The following CASK variants were observed in gnomAD, a reference collection of about 807,000 sequenced individuals.
The protein encoded by CASK is peripheral plasma membrane protein CASK.
In CASK, 4 loss-of-function variants were observed where a neutral mutation model predicts 82.9. That is an observed-to-expected ratio of 0.05 (90% CI 0.02 to 0.11). The LOEUF (loss-of-function observed/expected upper bound fraction) is 0.11, where lower values mean the gene tolerates loss of function less well. CASK is among the 10% of genes least tolerant of loss of function. CASK has a pLI of 1.00. For missense variants in CASK, 358 were observed against 720.9 expected (o/e 0.50, Z 5.76); for synonymous variants, 259 against 253.5 (o/e 1.02, Z -0.20).
intron 2 of CASK, among the ~76,000 whole-genome samples, chrX:41,841,863 T>C (rs1333163788): frequency 8.9e-6 from 1 of 111,929 alleles, no homozygotes; most frequent in African/African-American, 3.2e-5. Flanking sequence ...GCATAAAAAT[T>C]TTAAATTATG....
intron 5 of CASK, among the ~76,000 whole-genome samples, chrX:41,719,209 A>G (rs1338326867): frequency 1.8e-5 from 2 of 111,945 alleles, no homozygotes; most frequent in Non-Finnish European, 3.8e-5. Flanking sequence ...GCCCTGGTTC[A>G]GGTTCATGGA....
At chrX:41,840,140 G>C (rs923206886) in intron 2 of CASK, among the ~76,000 whole-genome samples, 5 of 111,761 alleles carry the variant, frequency 4.5e-5, no homozygotes, top group Non-Finnish European at 9.4e-5. Flanking sequence ...AATTATGCTT[G>C]GGATTGCACT....
chrX:41,618,882 G>A (rs1427722412), intron 11 of CASK, among the ~76,000 whole-genome samples: 7 of 102,642 alleles, frequency 6.8e-5, no homozygotes, highest in Admixed American at 2.1e-4. Flanking sequence ...GCTGGAGGGC[G>A]GTGGTGTGAT....
At chrX:41,726,764 G>C in intron 5 of CASK, 1 of 228,974 alleles carries the variant, frequency 4.4e-6, no homozygotes, top group Non-Finnish European at 7.8e-6. Context: ...ATCAAATTTT[G>C]TTTTTCAGAC....
Position 41,520,686 on chromosome X carries a change from C to T in CASK, c.2605-90G>A. On this transcript the variant is annotated intron_variant, in intron 26 of 26. Transcript: ENST00000378163. ...AAATCAGTTGGATTCGTTCTCTTTT[C>T]ACATTTTTGTTCATCCCAGTGTCAG... 3 of 839,147 alleles carry T rather than the reference C, an allele frequency of 3.6e-6. No individual in the cohort carries two copies. In the African/African-American group the frequency reaches 5.9e-5, roughly 17 times the overall value. 69.2% of individuals were successfully genotyped at this position (839,147 alleles called of 1,213,427 possible). A position where few individuals can be genotyped will look rare whatever the true frequency, so the allele number is the denominator to read the frequency against.
In CASK at chrX:41,770,529, G is replaced by C. The variant is rs1028053643; in HGVS notation, c.278+16649C>G. On this transcript the variant is annotated intron_variant, in intron 3 of 26. Transcript: ENST00000378163. ...AGCCTCCCAAGTAGCTGGGATTACAGGTGCTCGCCACCACGTCCAGCTAAT... is the reference window on the plus strand; with the variant it reads ...AGCCTCCCAAGTAGCTGGGATTACACGTGCTCGCCACCACGTCCAGCTAAT... Among the ~76,000 whole-genome samples the C allele has an allele frequency of 7.2e-5, 8 of 110,464 alleles. No individual in the cohort carries two copies. The Admixed American group carries it at 7.8e-4, about 11-fold the overall frequency.
intron 5 of CASK, among the ~76,000 whole-genome samples, chrX:41,679,345 A>T (rs2067315538): frequency 9.0e-6 from 1 of 111,477 alleles, no homozygotes; most frequent in Non-Finnish European, 1.9e-5. Flanking sequence ...TGCCTATATT[A>T]GAACTTGATA....
intron 5 of CASK, chrX:41,727,516 C>T (rs956076153): frequency 8.3e-7 from 1 of 1,208,320 alleles, no homozygotes; most frequent in Non-Finnish European, 1.1e-6. Context: ...GGGAGTTGTA[C>T]TGGGCATAAT....
intron 5 of CASK, chrX:41,727,231 C>T (rs1234795673): frequency 2.5e-6 from 3 of 1,199,950 alleles, no homozygotes; most frequent in South Asian, 1.8e-5. Flanking sequence ...CAGTGCCATG[C>T]CTTTCATGAG....
At chrX:41,563,782 A>G (rs2065267995) in intron 16 of CASK, among the ~76,000 whole-genome samples, 1 of 112,090 alleles carries the variant, frequency 8.9e-6, no homozygotes, top group South Asian at 3.7e-4. Flanking sequence ...AGCAGTTGTT[A>G]AAAAACAAAA....
intron 1 of CASK, among the ~76,000 whole-genome samples, chrX:41,877,136 T>C (rs1005043864): frequency 8.9e-6 from 1 of 111,851 alleles, no homozygotes; most frequent in Non-Finnish European, 1.9e-5. Flanking sequence ...CATAAGGCAC[T>C]GGAGGTTTAT....
chrX:41,744,299 CA>C lies in CASK; in HGVS notation c.356+1224del, dbSNP rs746134460. On this transcript the variant is annotated intron_variant, in intron 4 of 26. Coordinates refer to ENST00000378163, the MANE Select transcript of CASK (RefSeq NM_001367721.1). ...AGCTGTGTTGCTCTAAATGTATAAG[CA>C]AGTGGCCCAGCACGTGCATGGCTCC... 4.6e-5 allele frequency among the ~76,000 whole-genome samples: 5 copies of C among 109,661 alleles called. No individual in the cohort carries two copies. The East Asian group carries it at 1.4e-3, about 31-fold the overall frequency.
intron 5 of CASK, chrX:41,676,145 A>G (rs754134028): frequency 8.7e-7 from 1 of 1,143,650 alleles, no homozygotes; most frequent in African/African-American, 1.8e-5. Flanking sequence ...TTTCAAAGAG[A>G]AGACTTTGCT....
chrX:41,626,109 A>G (rs1192316255), intron 10 of CASK, among the ~76,000 whole-genome samples: 1 of 109,687 alleles, frequency 9.1e-6, no homozygotes, highest in African/African-American at 3.3e-5. Flanking sequence ...TGGCCGTGTT[A>G]TAGATTTTTA....
intron 8 of CASK, among the ~76,000 whole-genome samples, chrX:41,650,974 T>G (rs2066855940): frequency 8.9e-6 from 1 of 112,089 alleles, no homozygotes; most frequent in African/African-American, 3.2e-5. Context: ...TGTTTAGACA[T>G]GGCATGCGAT....
intron 12 of CASK, among the ~76,000 whole-genome samples, chrX:41,593,638 A>C (rs2065777430): frequency 8.9e-6 from 1 of 111,972 alleles, no homozygotes; most frequent in East Asian, 2.8e-4. Flanking sequence ...GAAGTTGGAA[A>C]GTATCTTGAT....
chrX:41,849,699 T>C (rs1432727295), intron 2 of CASK, among the ~76,000 whole-genome samples: 1 of 112,237 alleles, frequency 8.9e-6, no homozygotes, highest in Non-Finnish European at 1.9e-5. Context: ...AGAAGCCCTA[T>C]AAAATAAAAA....
intron 26 of CASK, 113 bp downstream of exon 26, chrX:41,523,838 C>A: frequency 1.7e-6 from 1 of 591,944 alleles, no homozygotes; most frequent in East Asian, 3.6e-5. Context: ...ATTCCACATC[C>A]CATTTCATCA....
At chrX:41,642,053 T>C (rs1443636165) in intron 8 of CASK, among the ~76,000 whole-genome samples, 1 of 110,777 alleles carries the variant, frequency 9.0e-6, no homozygotes, top group East Asian at 2.8e-4. Flanking sequence ...GCTTCATCCA[T>C]GTCCCTGCAA....
Sources: gnomAD v4.1 joint callset for allele counts (sites outside exome capture counted in the v4.1 genomes callset) on GRCh38, gnomAD v4.1.1 for gene constraint, MANE v1.5 for transcripts, NCBI Gene and HGNC (gene_info 2026-07-23, HGNC 2026-07-21) for gene names.